GEMIN5: variants seen among roughly 807,000 people sequenced by gnomAD.
GEMIN5 encodes gem-associated protein 5.
In GEMIN5, 124 loss-of-function variants were observed where a neutral mutation model predicts 176.9. The observed-to-expected ratio is 0.70, with a 90% CI of 0.61 to 0.81. The LOEUF (loss-of-function observed/expected upper bound fraction) is 0.81. Among genes scored for constraint, GEMIN5 ranks in the 40% least tolerant of loss-of-function variants. GEMIN5 has a pLI of 0.00. For missense variants in GEMIN5, 1,843 were observed against 1,814.6 expected (o/e 1.02, Z -0.28); for synonymous variants, 673 against 665.2 (o/e 1.01, Z -0.18).
intron 9 of GEMIN5, among the ~76,000 whole-genome samples, chr5:154,922,306 T>C (rs961463993): frequency 6.6e-6 from 1 of 152,116 alleles, no homozygotes; most frequent in African/African-American, 2.4e-5. Flanking sequence ...TAGCTGGGAC[T>C]ACAGGCACCT....
Position 154,901,365 on chromosome 5 carries a change from C to T in GEMIN5, c.2988G>A (p.Glu996=), listed in dbSNP as rs769290970. Reference sequence around the variant, plus strand: ...TGTAAAAATGGTTTGACTTGAGCAGCTCCACCGCTTCATACACTTTGTGGA... The same window carrying T: ...TGTAAAAATGGTTTGACTTGAGCAGTTCCACCGCTTCATACACTTTGTGGA... ...LSIHKVYEAV[E]LLKSNHFYRE... Residue 996 remains glutamate, a synonymous_variant, in exon 21 of 28, where the codon GAG becomes GAA. Coordinates refer to ENST00000285873, the MANE Select transcript of GEMIN5 (RefSeq NM_015465.5). 5.6e-6 allele frequency: 9 copies of T among 1,614,000 alleles called. No individual in the cohort carries two copies. Among genetic ancestry groups the T allele is most frequent in the African/African-American group, 1.3e-5 (1 of 74,918 alleles).
At chr5:154,930,025 T>C (rs951532674) in intron 5 of GEMIN5, among the ~76,000 whole-genome samples, 3 of 152,372 alleles carry the variant, frequency 2.0e-5, no homozygotes, top group East Asian at 1.9e-4. Flanking sequence ...ATTTGGCTTC[T>C]GTTTTTAAAC....
chr5:154,937,325 C>A, intron 1 of GEMIN5, 140 bp from the exon 2 acceptor site: 2 of 683,342 alleles, frequency 2.9e-6, no homozygotes, highest in South Asian at 4.5e-5. Flanking sequence ...GACGGACTTA[C>A]ACTCAGAATT....
At chr5:154,892,998 G>A (rs772769895) in intron 24 of GEMIN5, among the ~76,000 whole-genome samples, 4 of 152,118 alleles carry the variant, frequency 2.6e-5, no homozygotes, top group Non-Finnish European at 5.9e-5. Flanking sequence ...TCGGGAGGCT[G>A]AGACAGAAGA....
At chr5:154,936,143 G>A (rs186602810) in intron 2 of GEMIN5, 121 bp from the exon 3 acceptor site, 68 of 657,076 alleles carry the variant, frequency 1.0e-4, no homozygotes, top group African/African-American at 6.4e-4. Flanking sequence ...ACGGCCGGGC[G>A]CGGTGGCTCA....
intron 8 of GEMIN5, 93 bp downstream of exon 8, chr5:154,925,769 A>T (rs921127872): frequency 1.3e-4 from 92 of 703,640 alleles, no homozygotes; most frequent in Admixed American, 1.8e-4. Flanking sequence ...AAAACTTTTG[A>T]TTCTCAACAG....
rs182527685 is a variant in GEMIN5 at position 154,891,035 on chromosome 5, C to T, written c.4262+206G>A. Among the ~76,000 whole-genome samples, 581 of 144,056 alleles carry T rather than the reference C, an allele frequency of 4.0e-3. 3 individuals carry two copies. The highest frequency in any genetic ancestry group is 0.015 in the African/African-American group (567 of 38,922). The allele number at this position is 144,056 out of a possible 152,430, so 94.5% of individuals were successfully genotyped here. A position where few individuals can be genotyped will look rare whatever the true frequency, so the allele number is the denominator to read the frequency against. ...CCTCCCAAAGTGCTGGGATTACAAG[C>T]GTGATCCACTGTGCCCGGGCTTTTT... On this transcript the variant is annotated intron_variant, in intron 26 of 27. Coordinates refer to ENST00000285873, the MANE Select transcript of GEMIN5 (RefSeq NM_015465.5).
Position 154,903,172 on chromosome 5 carries a change from A to T in GEMIN5, c.2636T>A (p.Leu879Gln), listed in dbSNP as rs751088331. 6.2e-7 allele frequency: 1 copy of T among 1,606,016 alleles called. No homozygotes were observed. Residue 879 changes from leucine to glutamine, a missense_variant, in exon 19 of 28, where the codon CTG (leucine) becomes CAG (glutamine). Physicochemically the swap from Leu to Gln is moderately radical, Grantham distance 113. Transcript: ENST00000285873. The part of the protein sequence containing the change: ...VLATAKHSRE[L>Q]NEDVSADVEE... ...AACATCAGCAGACACATCTTCATTC[A>T]GCTCTGTTAATTTAAAAAGGCAAAA...
chr5:154,896,594 C>A (rs1232793114), intron 23 of GEMIN5, among the ~76,000 whole-genome samples: 3 of 152,130 alleles, frequency 2.0e-5, no homozygotes, highest in African/African-American at 7.2e-5. Context: ...AACACAGAAT[C>A]CCAACTGTAG....
At chr5:154,915,359 G>C (rs952405127) in intron 13 of GEMIN5, among the ~76,000 whole-genome samples, 1 of 152,246 alleles carries the variant, frequency 6.6e-6, no homozygotes, top group Admixed American at 6.5e-5. Context: ...AAACAATTTA[G>C]TGTCAGATTA....
chr5:154,892,266 A>G, intron 25 of GEMIN5, 121 bp downstream of exon 25: 1 of 797,996 alleles, frequency 1.3e-6, no homozygotes, highest in South Asian at 2.0e-5. Flanking sequence ...ACTTTCTACT[A>G]AAATGACACA....
rs2113446333 is a variant in GEMIN5 at position 154,888,135 on chromosome 5, T to C, written c.*75A>G. On this transcript the variant is annotated 3_prime_UTR_variant, in exon 28 of 28. Transcript: ENST00000285873. ...ACATCTAGGGACCAGAGTGAATGTC[T>C]GGTGAGGCATAACTGCAGAGGTGAA... 7.5e-7 allele frequency: 1 copy of C among 1,340,448 alleles called. No individual in the cohort carries two copies. The highest frequency in any genetic ancestry group is 1.8e-5 in the Admixed American group (1 of 56,536). 83.0% of individuals were successfully genotyped at this position (1,340,448 alleles called of 1,614,324 possible). A position where few individuals can be genotyped will look rare whatever the true frequency, so the allele number is the denominator to read the frequency against.
chr5:154,938,086 G>T lies in GEMIN5; in HGVS notation c.48C>A (p.Cys16Ter). The change falls in exon 1 of 28, where the codon TGC becomes TGA. Residue 16 changes from cysteine to a stop codon, truncating the protein, a stop_gained. Transcript: ENST00000285873. LOFTEE classifies it high-confidence loss of function. ...RTLPPSPNWY[C>*]ARCSDAVPGG... ...CGGGCACGGCATCGCTGCAGCGGGC[G>T]CAGTACCAGTTGGGGGAGGGCGGCA... is the stretch of plus-strand genomic sequence containing the variant. 1.3e-6 allele frequency: 2 copies of T among 1,498,334 alleles called. No homozygotes were observed. The highest frequency in any genetic ancestry group is 1.8e-6 in the Non-Finnish European group (2 of 1,127,120). 92.8% of individuals were successfully genotyped at this position (1,498,334 alleles called of 1,614,324 possible).
chr5:154,913,074 A>G (rs1442962540), intron 13 of GEMIN5, 36 bp from the exon 14 acceptor site: 13 of 1,550,654 alleles, frequency 8.4e-6, no homozygotes, highest in Non-Finnish European at 1.1e-5. Flanking sequence ...TGCTGCTACT[A>G]CTAATAACAA....
Position 154,891,280 on chromosome 5 carries a change from A to T in GEMIN5, c.4223T>A (p.Val1408Glu), listed in dbSNP as rs556648181. The stretch of plus-strand genomic sequence containing the variant: ...ACTGCAGAGGGGCTGCTCTGCTTCT[A>T]CTTCCGGTTCATTCTTATCAGGACC... Reference protein sequence around the residue: ...ANGPDKNEPEVEAEQPLCSSQ... With the variant: ...ANGPDKNEPEEEAEQPLCSSQ... The change falls in exon 26 of 28, where the codon GTA becomes GAA. Residue 1408 changes from valine to glutamate, a missense_variant. Coordinates refer to ENST00000285873, the MANE Select transcript of GEMIN5 (RefSeq NM_015465.5). The T allele has an allele frequency of 2.5e-6, 4 of 1,613,848 alleles. No individual in the cohort carries two copies. The Admixed American group carries it at 6.7e-5, about 27-fold the overall frequency.
At chr5:154,905,305 T>G in intron 17 of GEMIN5, 58 bp downstream of exon 17, 1 of 752,052 alleles carries the variant, frequency 1.3e-6, no homozygotes, top group Non-Finnish European at 2.3e-6. Flanking sequence ...GCGTGTAATA[T>G]ATGTAATATT....
intron 2 of GEMIN5, 122 bp from the exon 3 acceptor site, chr5:154,936,144 C>A: frequency 1.6e-6 from 1 of 634,028 alleles, no homozygotes. Context: ...CGGCCGGGCG[C>A]GGTGGCTCAC....
At chr5:154,936,278 G>C (rs1161154382) in intron 2 of GEMIN5, among the ~76,000 whole-genome samples, 1 of 152,106 alleles carries the variant, frequency 6.6e-6, no homozygotes, top group African/African-American at 2.4e-5. Context: ...TTAGCCGGGC[G>C]TGGTGGTGGG....
chr5:154,936,129 T>C, intron 2 of GEMIN5, 107 bp from the exon 3 acceptor site: 1 of 728,036 alleles, frequency 1.4e-6, no homozygotes, highest in African/African-American at 1.8e-5. Flanking sequence ...TAAAAGTAAT[T>C]AATACGGCCG....
Sources: gnomAD v4.1 joint callset for allele counts (sites outside exome capture counted in the v4.1 genomes callset) on GRCh38, gnomAD v4.1.1 for gene constraint, MANE v1.5 for transcripts, NCBI Gene and HGNC (gene_info 2026-07-23, HGNC 2026-07-21) for gene names.